The following DPYD variants were observed in gnomAD, a reference collection of about 807,000 sequenced individuals.
The protein encoded by DPYD is dihydropyrimidine dehydrogenase [NADP(+)].
In DPYD, 109 loss-of-function variants were observed where a neutral mutation model predicts 116.2. The observed-to-expected ratio is 0.94, with a 90% CI of 0.80 to 1.10. DPYD has a LOEUF of 1.10. DPYD is among the 50% of genes least tolerant of loss of function. The probability of loss-of-function intolerance (pLI) is 0.00; values close to 1 mark genes in which losing one functional copy is unlikely to be tolerated. For missense variants in DPYD, 1,302 were observed against 1,254.5 expected (o/e 1.04, Z -0.57); for synonymous variants, 440 against 432.0 (o/e 1.02, Z -0.23).
At chr1:97,601,985 T>C (rs1655276376) in intron 8 of DPYD, among the ~76,000 whole-genome samples, 2 of 152,072 alleles carry the variant, frequency 1.3e-5, no homozygotes, top group East Asian at 3.8e-4. Flanking sequence ...CACACATTAA[T>C]TGTGTGTATC....
intron 14 of DPYD, among the ~76,000 whole-genome samples, chr1:97,394,001 G>C (rs1383318233): frequency 6.6e-6 from 1 of 152,064 alleles, no homozygotes; most frequent in South Asian, 2.1e-4. Flanking sequence ...GTGTGAGATG[G>C]TATCTCATTG....
chr1:97,285,365 T>C (rs1013329910), intron 18 of DPYD, among the ~76,000 whole-genome samples: 2 of 152,220 alleles, frequency 1.3e-5, no homozygotes, highest in Non-Finnish European at 2.9e-5. Flanking sequence ...CCTGCTTGCC[T>C]TAAAGTAGGT....
chr1:97,179,276 T>C (rs1284743296), intron 20 of DPYD, among the ~76,000 whole-genome samples: 1 of 151,816 alleles, frequency 6.6e-6, no homozygotes, highest in Non-Finnish European at 1.5e-5. Context: ...CCACAAATGC[T>C]ATGTGTTTGC....
intron 14 of DPYD, among the ~76,000 whole-genome samples, chr1:97,406,248 A>G (rs1213500996): frequency 6.7e-6 from 1 of 150,086 alleles, no homozygotes; most frequent in East Asian, 2.0e-4. Context: ...ACAATCTAAG[A>G]AGAGCTGTTG....
At chr1:97,521,860 C>G (rs7529624) in intron 12 of DPYD, among the ~76,000 whole-genome samples, 2 of 151,918 alleles carry the variant, frequency 1.3e-5, no homozygotes, top group Non-Finnish European at 2.9e-5. Flanking sequence ...AGCCATATGC[C>G]GAAAACTGAA....
At position 97,078,969 on chromosome 1, in the gene DPYD, A is replaced by G. The variant is rs779927189; in HGVS notation, c.*7T>C. ...GAAAGTTCACAGCAACTGTTTCACA[A>G]ATCACCTTAACACACCGGATTCACA... On this transcript the variant is annotated 3_prime_UTR_variant, in exon 23 of 23. Coordinates refer to ENST00000370192, the MANE Select transcript of DPYD (RefSeq NM_000110.4). 1.2e-6 allele frequency: 2 copies of G among 1,613,590 alleles called. No homozygotes were observed. Among genetic ancestry groups the G allele is most frequent in the African/African-American group, 1.3e-5 (1 of 75,018 alleles).
intron 10 of DPYD, among the ~76,000 whole-genome samples, chr1:97,588,436 T>C (rs1654293173): frequency 6.6e-6 from 1 of 152,202 alleles, no homozygotes; most frequent in Non-Finnish European, 1.5e-5. Context: ...AAAGTCCTTC[T>C]CTAACCTTAT....
intron 12 of DPYD, among the ~76,000 whole-genome samples, chr1:97,543,652 T>C (rs1378805112): frequency 6.6e-6 from 1 of 152,134 alleles, no homozygotes; most frequent in African/African-American, 2.4e-5. Context: ...TTTTAACAAA[T>C]GCTACATTTG....
At chr1:97,429,066 A>T (rs1444776330) in intron 14 of DPYD, among the ~76,000 whole-genome samples, 1 of 152,070 alleles carries the variant, frequency 6.6e-6, no homozygotes, top group Non-Finnish European at 1.5e-5. Context: ...TTAGACATGA[A>T]TTTGTATTTG....
chr1:97,908,363 G>GT (rs1673754505), intron 1 of DPYD, among the ~76,000 whole-genome samples: 1 of 151,894 alleles, frequency 6.6e-6, no homozygotes, highest in Admixed American at 6.6e-5. Flanking sequence ...CCTTTCTTAT[G>GT]TATCTTCCCA....
chr1:97,162,811 C>A (rs1656027801), intron 20 of DPYD, among the ~76,000 whole-genome samples: 1 of 151,902 alleles, frequency 6.6e-6, no homozygotes, highest in Admixed American at 6.6e-5. Flanking sequence ...GAACAGAACC[C>A]TCAGAAATAA....
intron 14 of DPYD, among the ~76,000 whole-genome samples, chr1:97,383,374 G>A (rs961600927): frequency 2.0e-5 from 3 of 151,578 alleles, no homozygotes; most frequent in Non-Finnish European, 4.4e-5. Flanking sequence ...CTACTCGGGA[G>A]GCAGAGACAG....
Position 97,549,669 on chromosome 1 carries a change from C to G in DPYD, c.1415G>C (p.Ser472Thr). The G allele has an allele frequency of 1.2e-6, 2 of 1,613,852 alleles. No individual in the cohort carries two copies. The highest frequency in any genetic ancestry group is 1.7e-6 in the Non-Finnish European group (2 of 1,179,860). Residue 472 changes from serine to threonine, a missense_variant, in exon 12 of 23, where the codon AGT becomes ACT. Physicochemically the swap from Ser to Thr is moderately conservative, Grantham distance 58. Coordinates refer to ENST00000370192, the MANE Select transcript of DPYD (RefSeq NM_000110.4). Reference sequence around the variant, plus strand: ...ACCACCTGCAAATACCCATGCTTCACTAGTTTGCATAGTTTCTGGATCTAC... The same window carrying G: ...ACCACCTGCAAATACCCATGCTTCAGTAGTTTGCATAGTTTCTGGATCTAC... ...PEVDPETMQT[S>T]EAWVFAGGDV... is the part of the protein sequence containing the mutation.
chr1:97,595,125 T>C lies in DPYD; in HGVS notation c.892A>G (p.Thr298Ala). The C allele has an allele frequency of 6.2e-7, 1 of 1,613,764 alleles. No individual in the cohort carries two copies. Among genetic ancestry groups the C allele is most frequent in the Non-Finnish European group, 8.5e-7 (1 of 1,179,708 alleles). The change falls in exon 9 of 23, where the codon ACG becomes GCG. Residue 298 changes from threonine (T) to alanine (A), a missense_variant. Thr to Ala is a moderately conservative substitution (Grantham distance 58). Coordinates refer to ENST00000370192, the MANE Select transcript of DPYD (RefSeq NM_000110.4). ...PNKDAIFQGLTQDQGFYTSKD... is the reference protein window; with the variant it reads ...PNKDAIFQGLAQDQGFYTSKD... ...GATGTATAAAACCCCTGGTCCTGCG[T>C]CAGGCCTTGGAAGATGGCATCTTTA...
intron 18 of DPYD, among the ~76,000 whole-genome samples, chr1:97,296,635 AATCATTT>A (rs1666547831): frequency 6.6e-6 from 1 of 152,146 alleles, no homozygotes; most frequent in Admixed American, 6.6e-5. Context: ...CAATACAGGA[AATCATTT>A]ATCATTTAAA....
intron 21 of DPYD, among the ~76,000 whole-genome samples, chr1:97,097,353 A>G (rs1165139394): frequency 6.6e-6 from 1 of 152,016 alleles, no homozygotes; most frequent in Non-Finnish European, 1.5e-5. Context: ...AGGAATTTTT[A>G]AGGGTTCCAG....
At chr1:97,243,246 T>C (rs1260763838) in intron 18 of DPYD, among the ~76,000 whole-genome samples, 1 of 151,944 alleles carries the variant, frequency 6.6e-6, no homozygotes, top group Non-Finnish European at 1.5e-5. Flanking sequence ...TTCCAACAGA[T>C]ACCAGTGATT....
intron 2 of DPYD, among the ~76,000 whole-genome samples, chr1:97,847,673 T>C (rs1670372016): frequency 6.6e-6 from 1 of 152,198 alleles, no homozygotes; most frequent in Non-Finnish European, 1.5e-5. Context: ...AATTAAAATA[T>C]AGTGTATGAC....
At chr1:97,313,290 A>G (rs1292080386) in intron 16 of DPYD, among the ~76,000 whole-genome samples, 1 of 151,946 alleles carries the variant, frequency 6.6e-6, no homozygotes, top group Non-Finnish European at 1.5e-5. Flanking sequence ...AGTACAGTAT[A>G]CTGGGTCCAG....
Sources: allele counts gnomAD v4.1 joint callset (sites outside exome capture counted in the v4.1 genomes callset), GRCh38; gene constraint gnomAD v4.1.1; transcripts MANE v1.5; gene names NCBI Gene and HGNC (gene_info 2026-07-23, HGNC 2026-07-21).